The following GTF2H2 variants were observed in gnomAD, a reference collection of about 807,000 sequenced individuals.
GTF2H2 encodes the protein general transcription factor IIH subunit 2.
A neutral mutation model predicts 16.5 loss-of-function variants in GTF2H2; 2 were observed. The observed-to-expected ratio is 0.12, with a 90% CI of 0.05 to 0.38. The LOEUF (loss-of-function observed/expected upper bound fraction) is 0.38, where lower values mean the gene tolerates loss of function less well. GTF2H2 is among the 10% of genes least tolerant of loss of function. GTF2H2 has a pLI of 0.99. For synonymous variants in GTF2H2, 8 were observed against 44.1 expected, an observed-to-expected ratio of 0.18 and a Z score of 3.24; for missense variants, 20 against 137.0, an observed-to-expected ratio of 0.15 and a Z score of 4.26.
At chr5:71,059,317 G>C in intron 7 of GTF2H2, 1 of 56,492 alleles carries the variant, frequency 1.8e-5, no homozygotes, top group Non-Finnish European at 3.9e-5. Flanking sequence ...TTGAACCCGT[G>C]AGGCGGACTT....
chr5:71,052,026 CAG>C (rs1181638725), intron 8 of GTF2H2, among the ~76,000 whole-genome samples: 24 of 139,216 alleles, frequency 1.7e-4, no homozygotes, highest in African/African-American at 6.6e-4. Context: ...ACCTGGGTGA[CAG>C]AGCGAGACTC....
At position 71,064,175 on chromosome 5, in the gene GTF2H2, AAC is replaced by A. The variant is rs1169579723; in HGVS notation, c.-33-1381_-33-1380del. Among the ~76,000 whole-genome samples, 4 of 141,266 alleles carry A rather than the reference AAC, an allele frequency of 2.8e-5. 1 individual carries two copies. The East Asian group carries it at 8.1e-4, about 28-fold the overall frequency. The allele number at this position is 141,266 out of a possible 152,430, so 92.7% of individuals were successfully genotyped here. On this transcript the variant is annotated intron_variant, in intron 1 of 15. Coordinates refer to ENST00000274400, the Ensembl canonical transcript of GTF2H2. ...TACACGTGGACATAACGATGAGAAC[AAC>A]AGACATTGGAGACTATTAGACAGGG...
chr5:71,057,357 TA>T (rs903827964), intron 7 of GTF2H2, among the ~76,000 whole-genome samples: 6 of 140,824 alleles, frequency 4.3e-5, no homozygotes, highest in African/African-American at 1.3e-4. Context: ...TAAAATATAT[TA>T]AAAAATAAAA....
intron 7 of GTF2H2, chr5:71,058,297 G>A (rs1328806935): frequency 7.3e-6 from 1 of 136,882 alleles, no homozygotes; most frequent in Non-Finnish European, 1.6e-5. Context: ...TACCTTGGAG[G>A]AACCATCCTT....
chr5:71,048,042 CAGG>C lies in GTF2H2; in HGVS notation c.718_720del (p.Pro240del), dbSNP rs776681004. The C allele has an allele frequency of 4.0e-5, 31 of 769,620 alleles. 1 individual carries two copies. Among genetic ancestry groups the C allele is most frequent in the East Asian group, 1.7e-4 (2 of 11,456 alleles). 47.7% of individuals were successfully genotyped at this position (769,620 alleles called of 1,614,324 possible). On this transcript the variant is annotated inframe_deletion, in exon 11 of 16. Transcript: ENST00000274400. ...AGTGAGCATTCAGAACTTGAGCTAG[CAGG>C]AGGAGGACTAACATGATGTGTGAGC...
chr5:71,054,690 C>G (rs1457641140), intron 8 of GTF2H2, among the ~76,000 whole-genome samples: 1 of 135,284 alleles, frequency 7.4e-6, no homozygotes, highest in African/African-American at 3.0e-5. Context: ...AAGACTCTGT[C>G]TCGAAAAAAA....
chr5:71,063,689 T>C, intron 1 of GTF2H2, among the ~76,000 whole-genome samples: 1 of 140,038 alleles, frequency 7.1e-6, no homozygotes, highest in African/African-American at 2.8e-5. Context: ...ATAAAGAAAA[T>C]GTGGTACGTA....
intron 8 of GTF2H2, among the ~76,000 whole-genome samples, chr5:71,054,612 T>C (rs1753031915): frequency 7.0e-6 from 1 of 141,930 alleles, no homozygotes; most frequent in Admixed American, 7.1e-5. Flanking sequence ...AAGAATCACT[T>C]GAACCCAGAG....
chr5:71,054,723 G>T (rs1753054509), intron 8 of GTF2H2, among the ~76,000 whole-genome samples: 1 of 130,052 alleles, frequency 7.7e-6, no homozygotes, highest in Admixed American at 8.1e-5. Context: ...GTGTGTGTGT[G>T]TGTGTGTGTG....
intron 11 of GTF2H2, among the ~76,000 whole-genome samples, chr5:71,045,993 G>A (rs1312629065): frequency 6.9e-6 from 1 of 144,764 alleles, no homozygotes; most frequent in Non-Finnish European, 1.5e-5. Context: ...TGATAAAACT[G>A]AAGATATCAT....
intron 1 of GTF2H2, among the ~76,000 whole-genome samples, chr5:71,063,749 A>G (rs1448541469): frequency 1.4e-5 from 2 of 145,768 alleles, no homozygotes; most frequent in Non-Finnish European, 3.0e-5. Flanking sequence ...AAAAAACACA[A>G]TGAAATCCTG....
chr5:71,061,432 T>G (rs1327802792), intron 3 of GTF2H2, 124 bp from the exon 4 acceptor site: 1 of 768,070 alleles, frequency 1.3e-6, no homozygotes, highest in South Asian at 1.7e-5. Flanking sequence ...AAGAATGTCA[T>G]AACGTGCATT....
intron 7 of GTF2H2, chr5:71,058,263 A>T: frequency 7.2e-6 from 1 of 139,060 alleles, no homozygotes. Context: ...GTAAAGTGAG[A>T]GGAAAATATT....
chr5:71,054,396 T>C (rs1753015482), intron 8 of GTF2H2, among the ~76,000 whole-genome samples: 1 of 145,870 alleles, frequency 6.9e-6, no homozygotes. Context: ...ATCTATTATA[T>C]AAAGGTATAA....
intron 11 of GTF2H2, among the ~76,000 whole-genome samples, chr5:71,046,589 G>C (rs1752369597): frequency 1.5e-5 from 2 of 135,764 alleles, no homozygotes; most frequent in Non-Finnish European, 3.1e-5. Flanking sequence ...TCTATTAAAA[G>C]TTATACTTTT....
intron 8 of GTF2H2, among the ~76,000 whole-genome samples, chr5:71,054,367 A>C (rs1156313917): frequency 6.9e-6 from 1 of 145,658 alleles, no homozygotes; most frequent in Non-Finnish European, 1.5e-5. Flanking sequence ...CTTCTCATCC[A>C]CTTCAAAACT....
At chr5:71,040,237 CTTT>C (rs1300915051) in intron 14 of GTF2H2, among the ~76,000 whole-genome samples, 1 of 39,478 alleles carries the variant, frequency 2.5e-5, no homozygotes, top group African/African-American at 8.0e-5. Context: ...CCTGGATGTT[CTTT>C]TTTTTTTTGA....
chr5:71,054,753 A>G (rs2253937), intron 8 of GTF2H2, among the ~76,000 whole-genome samples: 57,996 of 102,280 alleles, frequency 0.57, 16,201 homozygotes, highest in East Asian at 0.8. Flanking sequence ...GTGTGTGTGT[A>G]TATATATAAT....
chr5:71,057,449 C>G (rs1753339250), intron 7 of GTF2H2, among the ~76,000 whole-genome samples: 1 of 142,546 alleles, frequency 7.0e-6, no homozygotes, highest in African/African-American at 2.6e-5. Flanking sequence ...TGAATCATGT[C>G]TTCTTTGTCT....
Sources: gnomAD v4.1 joint callset for allele counts (sites outside exome capture counted in the v4.1 genomes callset) on GRCh38, gnomAD v4.1.1 for gene constraint, MANE v1.5 for transcripts, NCBI Gene and HGNC (gene_info 2026-07-23, HGNC 2026-07-21) for gene names.